IL7: variants seen among roughly 807,000 people sequenced by gnomAD.
IL7 encodes interleukin-7.
A neutral mutation model predicts 21.6 loss-of-function variants in IL7; 3 were observed. That is an observed-to-expected ratio of 0.14 (90% CI 0.06 to 0.36). The LOEUF (loss-of-function observed/expected upper bound fraction) is 0.36, where lower values mean the gene tolerates loss of function less well. Ranked by LOEUF, IL7 falls within the 10% of genes least tolerant of loss-of-function variation. IL7 has a pLI of 1.00. For synonymous variants in IL7, 62 were observed against 68.1 expected, an observed-to-expected ratio of 0.91 and a Z score of 0.44; for missense variants, 175 against 200.2, an observed-to-expected ratio of 0.87 and a Z score of 0.76.
At chr8:78,691,495 G>A (rs538365798) in intron 3 of IL7, among the ~76,000 whole-genome samples, 1 of 151,746 alleles carries the variant, frequency 6.6e-6, no homozygotes, top group East Asian at 1.9e-4. Context: ...GCTATAATTG[G>A]TTTTTGTATT....
chr8:78,782,829 C>A (rs112467400), intron 2 of IL7, among the ~76,000 whole-genome samples: 17 of 152,140 alleles, frequency 1.1e-4, no homozygotes, highest in Non-Finnish European at 1.8e-4. Flanking sequence ...GCTCCTCCCC[C>A]CAGAAGCTCC....
At chr8:78,736,993 G>T (rs1306692339) in intron 4 of IL7, among the ~76,000 whole-genome samples, 4 of 152,050 alleles carry the variant, frequency 2.6e-5, no homozygotes, top group Admixed American at 6.6e-5. Context: ...CAGTGTAGCT[G>T]ACTGCTTTAA....
intron 4 of IL7, among the ~76,000 whole-genome samples, 185 bp from the exon 5 acceptor site, chr8:78,736,712 A>G (rs753432433): frequency 3.3e-5 from 5 of 152,192 alleles, no homozygotes; most frequent in Non-Finnish European, 5.9e-5. Context: ...GGGTAAAGGA[A>G]GAAGCAAGAT....
chr8:78,686,256 C>T (rs142215953), intron 3 of IL7, among the ~76,000 whole-genome samples: 87 of 152,036 alleles, frequency 5.7e-4, no homozygotes, highest in African/African-American at 2.0e-3. Flanking sequence ...GTGTCTTTCG[C>T]GATGACACTT....
chr8:78,727,403 C>T (rs1331051092), intron 3 of IL7, among the ~76,000 whole-genome samples: 1 of 151,986 alleles, frequency 6.6e-6, no homozygotes, highest in Non-Finnish European at 1.5e-5. Flanking sequence ...AATGAGTTCA[C>T]ATGATTAAAG....
intron 3 of IL7, among the ~76,000 whole-genome samples, chr8:78,699,715 C>T (rs976700816): frequency 1.3e-5 from 2 of 152,092 alleles, no homozygotes; most frequent in African/African-American, 4.8e-5. Flanking sequence ...TGAGAACATG[C>T]AGTATTTGGT....
intron 3 of IL7, among the ~76,000 whole-genome samples, chr8:78,692,581 G>A (rs1810245688): frequency 6.6e-6 from 1 of 152,130 alleles, no homozygotes; most frequent in African/African-American, 2.4e-5. Context: ...GAGGGGAGCA[G>A]TAAGGAGGTC....
intron 1 of IL7, among the ~76,000 whole-genome samples, chr8:78,800,896 C>T (rs1453255545): frequency 6.6e-6 from 1 of 152,098 alleles, no homozygotes; most frequent in Non-Finnish European, 1.5e-5. Flanking sequence ...CAAAGGTCCA[C>T]CTTTTGTTTT....
intron 4 of IL7, chr8:78,678,533 A>G (rs374640657): frequency 1.9e-6 from 3 of 1,552,792 alleles, no homozygotes; most frequent in African/African-American, 2.8e-5. Context: ...AGAAAAGAAA[A>G]TGATAGGCTG....
intron 5 of IL7, among the ~76,000 whole-genome samples, chr8:78,735,149 G>A (rs570630936): frequency 6.6e-6 from 1 of 151,750 alleles, no homozygotes; most frequent in South Asian, 2.1e-4. Context: ...AAGCAGATTT[G>A]AAATATACAG....
intron 2 of IL7, among the ~76,000 whole-genome samples, chr8:78,797,325 A>G (rs919019146): frequency 2.4e-4 from 36 of 152,012 alleles, no homozygotes; most frequent in African/African-American, 7.7e-4. Context: ...AATCACGGAT[A>G]TGTGATGGTA....
downstream of IL7, chr8:78,717,431 A>C: frequency 6.2e-7 from 1 of 1,613,510 alleles, no homozygotes; most frequent in South Asian, 1.1e-5. Flanking sequence ...GTGTGGGACT[A>C]AATACCCTGT....
chr8:78,796,114 G>T (rs938825415), intron 2 of IL7, among the ~76,000 whole-genome samples: 1 of 151,958 alleles, frequency 6.6e-6, no homozygotes, highest in African/African-American at 2.4e-5. Context: ...TATTGATACA[G>T]CTCTGAAACC....
downstream of IL7, among the ~76,000 whole-genome samples, chr8:78,713,064 A>G (rs1177022187): frequency 6.6e-6 from 1 of 152,176 alleles, no homozygotes; most frequent in Non-Finnish European, 1.5e-5. Context: ...GAACTCTCTG[A>G]TGCAGATCTC....
chr8:78,687,809 TAATA>T lies in IL7; in HGVS notation n.215-1866_215-1863del, dbSNP rs981340011. Among the ~76,000 whole-genome samples the T allele has an allele frequency of 5.9e-5, 8 of 136,186 alleles. 1 individual carries two copies. In the South Asian group the frequency reaches 6.5e-4, roughly 11 times the overall value. The allele number at this position is 136,186 out of a possible 152,430, so 89.3% of individuals were successfully genotyped here. A position where few individuals can be genotyped will look rare whatever the true frequency, so the allele number is the denominator to read the frequency against. ...ACGTAATACATTATATATATTCATGTAATAAATATATATATTCATGTAATAAATT... is the reference window on the plus strand; with the variant it reads ...ACGTAATACATTATATATATTCATGTAATATATATATTCATGTAATAAATT... On this transcript the variant is annotated intron_variant and non_coding_transcript_variant, in intron 3 of 4. Transcript: ENST00000523959.
At chr8:78,762,281 T>A in intron 2 of IL7, 3 of 1,583,754 alleles carry the variant, frequency 1.9e-6, no homozygotes, top group Non-Finnish European at 1.7e-6. Context: ...ATTTAGCTGA[T>A]CAGGTGTTTT....
At chr8:78,717,185 A>G (rs1811133072), downstream of IL7, 2 of 694,322 alleles carry the variant, frequency 2.9e-6, no homozygotes, top group Non-Finnish European at 4.4e-6. Flanking sequence ...ACTAACAAGG[A>G]TTTTTTAAAA....
In IL7 at chr8:78,732,913, T is replaced by C. The variant is rs1473119537; in HGVS notation, c.*800A>G. 6.6e-6 allele frequency: 1 copy of C among 151,848 alleles called. No homozygotes were observed. The highest frequency in any genetic ancestry group is 1.5e-5 in the Non-Finnish European group (1 of 67,954). The allele number at this position is 151,848 out of a possible 1,614,324, so 9.4% of individuals were successfully genotyped here. On this transcript the variant is annotated 3_prime_UTR_variant, in exon 6 of 6. Coordinates refer to ENST00000263851, the MANE Select transcript of IL7 (RefSeq NM_000880.4). ...TTTCATTAATTAAAAGGTAAACATA[T>C]ATTATTATCTTAAAAATATATCTCC...
chr8:78,699,314 C>A (rs2130552577), intron 3 of IL7, among the ~76,000 whole-genome samples: 1 of 151,930 alleles, frequency 6.6e-6, no homozygotes, highest in South Asian at 2.1e-4. Flanking sequence ...TAATATAGAG[C>A]CATATATTTT....
Sources: allele counts gnomAD v4.1 joint callset (sites outside exome capture counted in the v4.1 genomes callset), GRCh38; gene constraint gnomAD v4.1.1; transcripts MANE v1.5; gene names NCBI Gene and HGNC (gene_info 2026-07-23, HGNC 2026-07-21).